Variants in DTX4 observed in about 807,000 individuals in gnomAD.
DTX4 encodes the protein E3 ubiquitin-protein ligase DTX4.
In DTX4, 28 loss-of-function variants were observed where a neutral mutation model predicts 57.6. The ratio of observed to expected loss-of-function variants is 0.49; its 90% CI spans 0.36 to 0.67. The LOEUF (loss-of-function observed/expected upper bound fraction) is 0.67. Among genes scored for constraint, DTX4 ranks in the 30% least tolerant of loss-of-function variants. The pLI is 0.00. For missense variants in DTX4, 715 were observed against 836.8 expected (o/e 0.85, Z 1.80); for synonymous variants, 316 against 331.0 (o/e 0.95, Z 0.49).
chr11:59,203,055 A>G (rs10896950), intron 8 of DTX4, among the ~76,000 whole-genome samples: 20,806 of 152,222 alleles, frequency 0.14, 1,712 homozygotes, highest in East Asian at 0.38. Flanking sequence ...TATCTGTATA[A>G]GGCACTTACC....
chr11:59,185,492 C>T (rs1002933245), intron 2 of DTX4, among the ~76,000 whole-genome samples: 1 of 152,116 alleles, frequency 6.6e-6, no homozygotes, highest in South Asian at 2.1e-4. Context: ...GTGGTTAGGA[C>T]AGACAGTTTT....
chr11:59,199,781 C>T lies in DTX4; in HGVS notation c.1626+8C>T. On this transcript the variant is annotated splice_region_variant and intron_variant, in intron 8 of 8. Coordinates refer to ENST00000227451, the MANE Select transcript of DTX4 (RefSeq NM_015177.2). ...AGCGAGAAAGGGAGAAAAGTAAGAC[C>T]GGAAGTTTCCACATAGAACTAGGTT... 5.1e-6 allele frequency: 8 copies of T among 1,555,336 alleles called. No individual in the cohort carries two copies. Among genetic ancestry groups the T allele is most frequent in the South Asian group, 1.2e-5 (1 of 84,186 alleles).
At chr11:59,193,956 C>G (rs1862631284) in intron 6 of DTX4, among the ~76,000 whole-genome samples, 1 of 152,196 alleles carries the variant, frequency 6.6e-6, no homozygotes, top group Non-Finnish European at 1.5e-5. Context: ...ACACGTTGCT[C>G]CCAGCCCATG....
chr11:59,192,334 G>T, intron 6 of DTX4, 84 bp downstream of exon 6: 1 of 1,518,436 alleles, frequency 6.6e-7, no homozygotes, highest in Non-Finnish European at 9.1e-7. Flanking sequence ...TAGGGCCCTT[G>T]CTCAAGTGAT....
chr11:59,206,509 G>GTATATATATATATATATATATA lies in DTX4; in HGVS notation c.*1621_*1622insATATATATATATATATATATAT, dbSNP rs3837398. ...ATACCTCATGTTTTGGGGGTTTGACGTATATATATATATATATATATGCAT... is the reference window on the plus strand; with the variant it reads ...ATACCTCATGTTTTGGGGGTTTGACGTATATATATATATATATATATATATATATATATATATATATATGCAT... On this transcript the variant is annotated 3_prime_UTR_variant, in exon 9 of 9. Transcript: ENST00000227451. 5.2e-4 allele frequency: 74 copies of GTATATATATATATATATATATA among 142,204 alleles called. No homozygotes were observed. The highest frequency in any genetic ancestry group is 1.9e-3 in the African/African-American group (73 of 37,946). The allele number at this position is 142,204 out of a possible 1,614,324, so 8.8% of individuals were successfully genotyped here.
At position 59,199,675 on chromosome 11, in the gene DTX4, T is replaced by A. The variant is rs1450490217; in HGVS notation, c.1537-9T>A. ...AAATGCCATTTGCTTGCTTGCTTTCTGCTTTCAGGGACCGGAACACCCGAA... is the reference window on the plus strand; with the variant it reads ...AAATGCCATTTGCTTGCTTGCTTTCAGCTTTCAGGGACCGGAACACCCGAA... On this transcript the variant is annotated splice_polypyrimidine_tract_variant and intron_variant, in intron 7 of 8. Coordinates refer to ENST00000227451, the MANE Select transcript of DTX4 (RefSeq NM_015177.2). 1.3e-6 allele frequency: 2 copies of A among 1,566,934 alleles called. No individual in the cohort carries two copies. The highest frequency in any genetic ancestry group is 1.7e-6 in the Non-Finnish European group (2 of 1,155,426).
At chr11:59,199,881 A>G in intron 8 of DTX4, 108 bp downstream of exon 8, 1 of 894,522 alleles carries the variant, frequency 1.1e-6, no homozygotes, top group African/African-American at 1.7e-5. Context: ...GACCAAAGAG[A>G]ACTGTGTCTC....
rs1862342178 is a variant in DTX4, at chr11:59,172,682, C to T, written c.87C>T (p.His29=). 1.9e-6 allele frequency: 3 copies of T among 1,600,980 alleles called. No individual in the cohort carries two copies. The highest frequency in any genetic ancestry group is 1.1e-5 in the South Asian group (1 of 89,852). The change falls in exon 1 of 9, where the codon CAC becomes CAT. Residue 29 remains histidine (H), a synonymous_variant. Coordinates refer to ENST00000227451, the MANE Select transcript of DTX4 (RefSeq NM_015177.2). ...CCTACAGCCCAGCGGTGAGCCACCA[C>T]ATCGAGGCGGTGGTCCGCGCCGGCC... is the stretch of plus-strand genomic sequence containing the variant. ...WRPYSPAVSH[H]IEAVVRAGPR...
intron 3 of DTX4, 135 bp downstream of exon 3, chr11:59,188,931 G>A (rs989888581): frequency 2.5e-5 from 25 of 993,246 alleles, no homozygotes; most frequent in Non-Finnish European, 3.4e-5. Flanking sequence ...GAATTGCATG[G>A]GAAGGGTATG....
Position 59,199,676 on chromosome 11 carries a change from GC to G in DTX4, c.1537-7del, listed in dbSNP as rs1555025703. Reference sequence around the variant, plus strand: ...AATGCCATTTGCTTGCTTGCTTTCTGCTTTCAGGGACCGGAACACCCGAATC... The same window carrying G: ...AATGCCATTTGCTTGCTTGCTTTCTGTTTCAGGGACCGGAACACCCGAATC... On this transcript the variant is annotated splice_region_variant and splice_polypyrimidine_tract_variant and intron_variant, in intron 7 of 8. Coordinates refer to ENST00000227451, the MANE Select transcript of DTX4 (RefSeq NM_015177.2). The G allele has an allele frequency of 2.6e-6, 4 of 1,567,534 alleles. No individual in the cohort carries two copies. Among genetic ancestry groups the G allele is most frequent in the African/African-American group, 1.4e-5 (1 of 73,686 alleles).
chr11:59,196,931 A>G (rs1314221578), intron 7 of DTX4, among the ~76,000 whole-genome samples: 3 of 152,206 alleles, frequency 2.0e-5, no homozygotes, highest in African/African-American at 7.2e-5. Context: ...ATGCTCTTGC[A>G]TCATCCCAAA....
In DTX4 at chr11:59,181,971, G is replaced by A; in HGVS notation, c.444G>A (p.Gln148=). 2 of 1,613,982 alleles carry A rather than the reference G, an allele frequency of 1.2e-6. No homozygotes were observed. Among genetic ancestry groups the A allele is most frequent in the South Asian group, 2.2e-5 (2 of 91,084 alleles). The change falls in exon 2 of 9, where the codon CAG becomes CAA. Residue 148 remains glutamine (Q), a synonymous_variant. Transcript: ENST00000227451. The part of the protein sequence containing the change: ...NTMGQINRQT[Q]RQRRVRRRLD... ...TGGGCCAGATCAACCGTCAGACCCA[G>A]CGCCAACGCCGCGTCCGCCGGCGCC...
Position 59,204,682 on chromosome 11 carries a change from A to G in DTX4, c.1633A>G (p.Lys545Glu). Residue 545 changes from lysine (K) to glutamate (E), a missense_variant, in exon 9 of 9, where the codon AAG (lysine) becomes GAG (glutamate). Coordinates refer to ENST00000227451, the MANE Select transcript of DTX4 (RefSeq NM_015177.2). ...CCCACTTTTATCCCTCTAGGTTCTG[A>G]AGCTGCTGCTCGTGGCCTGGGATCG... The part of the protein sequence containing the change: ...PDSEKGRKVL[K>E]LLLVAWDRRL... 1 of 1,612,532 alleles carries G rather than the reference A, an allele frequency of 6.2e-7. No individual in the cohort carries two copies. The highest frequency in any genetic ancestry group is 2.2e-5 in the East Asian group (1 of 44,858).
intron 2 of DTX4, among the ~76,000 whole-genome samples, chr11:59,182,701 G>C (rs1488544526): frequency 6.6e-6 from 1 of 152,156 alleles, no homozygotes; most frequent in Non-Finnish European, 1.5e-5. Flanking sequence ...ATATGATTTA[G>C]GACCAGATCC....
Position 59,182,025 on chromosome 11 carries a change from G to A in DTX4, c.498G>A (p.Gly166=), listed in dbSNP as rs1862469915. The part of the protein sequence containing the change: ...RLDLIYPMVT[G]TLPKAQSWPV... The stretch of plus-strand genomic sequence containing the variant: ...ACCTCATCTACCCCATGGTCACAGG[G>A]ACCTTGCCTAAGGCTCAGTCCTGGC... The change falls in exon 2 of 9, where the codon GGG becomes GGA. Residue 166 remains glycine (G), a synonymous_variant. Transcript: ENST00000227451. 6.2e-7 allele frequency: 1 copy of A among 1,613,614 alleles called. No individual in the cohort carries two copies. Among genetic ancestry groups the A allele is most frequent in the South Asian group, 1.1e-5 (1 of 91,018 alleles).
chr11:59,195,398 T>C, intron 7 of DTX4, 29 bp downstream of exon 7: 4 of 1,575,304 alleles, frequency 2.5e-6, no homozygotes, highest in Non-Finnish European at 3.5e-6. Flanking sequence ...TGAGCCTTTC[T>C]GTCACCCCTT....
chr11:59,202,771 G>C (rs1013748638), intron 8 of DTX4, among the ~76,000 whole-genome samples: 19 of 152,152 alleles, frequency 1.2e-4, no homozygotes, highest in African/African-American at 4.3e-4. Flanking sequence ...GGGATGATGA[G>C]AGTCCAGTTT....
chr11:59,186,469 G>C (rs946521747), intron 2 of DTX4, among the ~76,000 whole-genome samples: 3 of 152,170 alleles, frequency 2.0e-5, no homozygotes, highest in African/African-American at 7.2e-5. Flanking sequence ...CCCTGCTGGG[G>C]AGCTGGGAGC....
chr11:59,176,531 G>T (rs910111627), intron 1 of DTX4, among the ~76,000 whole-genome samples: 2 of 152,244 alleles, frequency 1.3e-5, no homozygotes, highest in Non-Finnish European at 2.9e-5. Context: ...CAATAATAGA[G>T]CATCCAAATA....
Sources: gnomAD v4.1 joint callset for allele counts (sites outside exome capture counted in the v4.1 genomes callset) on GRCh38, gnomAD v4.1.1 for gene constraint, MANE v1.5 for transcripts, NCBI Gene and HGNC (gene_info 2026-07-23, HGNC 2026-07-21) for gene names.